The following AGBL4 variants were observed in gnomAD, a reference collection of about 807,000 sequenced individuals.
AGBL4 encodes the protein AGBL carboxypeptidase 4, also known as cytosolic carboxypeptidase 6.
In AGBL4, 58 loss-of-function variants were observed where a neutral mutation model predicts 66.4. That is an observed-to-expected ratio of 0.87 (90% CI 0.71 to 1.09). The LOEUF (loss-of-function observed/expected upper bound fraction) is 1.09, where lower values mean the gene tolerates loss of function less well. Ranked by LOEUF, AGBL4 falls within the 50% of genes least tolerant of loss-of-function variation. The pLI, the probability that AGBL4 is intolerant of heterozygous loss-of-function variation, is 0.00. For missense variants in AGBL4, 579 were observed against 631.0 expected (o/e 0.92, Z 0.88); for synonymous variants, 234 against 222.9 (o/e 1.05, Z -0.44).
chr1:49,108,788 A>G (rs1045244023), intron 4 of AGBL4, among the ~76,000 whole-genome samples: 1 of 152,182 alleles, frequency 6.6e-6, no homozygotes, highest in Non-Finnish European at 1.5e-5. Flanking sequence ...GAGACAGAGA[A>G]GGGGTGACAG....
At chr1:48,780,234 A>G (rs1450153019) in intron 6 of AGBL4, among the ~76,000 whole-genome samples, 1 of 113,408 alleles carries the variant, frequency 8.8e-6, no homozygotes, top group Non-Finnish European at 1.7e-5. Context: ...CCCTCCCCGT[A>G]TCTATGTGTT....
At chr1:48,643,574 C>G (rs1431284863) in intron 8 of AGBL4, among the ~76,000 whole-genome samples, 1 of 152,198 alleles carries the variant, frequency 6.6e-6, no homozygotes, top group Non-Finnish European at 1.5e-5. Flanking sequence ...CTTTGAGTGT[C>G]AGTTTCCTTA....
At chr1:49,115,080 C>T (rs1035100325) in intron 4 of AGBL4, among the ~76,000 whole-genome samples, 4 of 151,938 alleles carry the variant, frequency 2.6e-5, no homozygotes, top group Non-Finnish European at 4.4e-5. Flanking sequence ...AAACAAAAAA[C>T]CAACACAGTA....
intron 4 of AGBL4, among the ~76,000 whole-genome samples, chr1:49,093,976 G>A (rs1165367238): frequency 2.0e-5 from 3 of 152,128 alleles, no homozygotes; most frequent in African/African-American, 7.2e-5. Context: ...AGGAAATATT[G>A]TGTTTAAAGA....
intron 4 of AGBL4, among the ~76,000 whole-genome samples, chr1:49,093,218 G>A (rs894769633): frequency 6.6e-6 from 1 of 152,136 alleles, no homozygotes; most frequent in African/African-American, 2.4e-5. Flanking sequence ...ATCTTTTGCT[G>A]ATGAGGGGGC....
At chr1:48,752,653 T>G (rs972344215) in intron 6 of AGBL4, among the ~76,000 whole-genome samples, 3 of 152,250 alleles carry the variant, frequency 2.0e-5, no homozygotes, top group African/African-American at 7.2e-5. Context: ...ACACATTTTC[T>G]CATGCACATC....
chr1:49,284,150 A>G (rs2148411092), intron 3 of AGBL4, among the ~76,000 whole-genome samples: 1 of 152,358 alleles, frequency 6.6e-6, no homozygotes, highest in Non-Finnish European at 1.5e-5. Context: ...AGGGAAGCCC[A>G]TCAGACTAAC....
chr1:49,875,169 A>C (rs1304207551), intron 1 of AGBL4, among the ~76,000 whole-genome samples: 1 of 142,936 alleles, frequency 7.0e-6, no homozygotes, highest in Admixed American at 7.1e-5. Context: ...ATTATTTTTA[A>C]TTATACTTTA....
chr1:49,072,858 C>T (rs1241918760), intron 4 of AGBL4, among the ~76,000 whole-genome samples: 1 of 152,192 alleles, frequency 6.6e-6, no homozygotes, highest in Admixed American at 6.5e-5. Flanking sequence ...TTTCCATTCT[C>T]CCCGTCACTT....
intron 3 of AGBL4, among the ~76,000 whole-genome samples, chr1:49,426,401 C>T (rs979499191): frequency 1.3e-5 from 2 of 152,090 alleles, no homozygotes; most frequent in Non-Finnish European, 2.9e-5. Flanking sequence ...TTTATTCTGG[C>T]CCTTTCTCCA....
intron 6 of AGBL4, among the ~76,000 whole-genome samples, chr1:48,709,997 C>T (rs570915810): frequency 3.2e-4 from 48 of 152,216 alleles, no homozygotes; most frequent in Non-Finnish European, 5.1e-4. Flanking sequence ...ACCCACTTTA[C>T]GGATGAGGAA....
chr1:49,507,060 T>C (rs545559543), intron 3 of AGBL4, among the ~76,000 whole-genome samples: 5 of 152,148 alleles, frequency 3.3e-5, no homozygotes, highest in African/African-American at 1.2e-4. Flanking sequence ...CTCAAGAAGA[T>C]GTGGCAGCTT....
chr1:49,033,766 T>A (rs1664417283), intron 5 of AGBL4, among the ~76,000 whole-genome samples: 1 of 152,060 alleles, frequency 6.6e-6, no homozygotes, highest in Non-Finnish European at 1.5e-5. Flanking sequence ...TGTGATTATA[T>A]CATGTTCTCC....
chr1:48,996,603 G>A (rs569720980), intron 5 of AGBL4, among the ~76,000 whole-genome samples: 37 of 152,296 alleles, frequency 2.4e-4, no homozygotes, highest in African/African-American at 8.7e-4. Flanking sequence ...ATGACCATTA[G>A]AATTGGCAGG....
At chr1:49,072,861 C>T (rs1039873661) in intron 4 of AGBL4, among the ~76,000 whole-genome samples, 14 of 152,166 alleles carry the variant, frequency 9.2e-5, no homozygotes, top group Admixed American at 3.9e-4. Flanking sequence ...CCATTCTCCC[C>T]GTCACTTTCA....
intron 4 of AGBL4, among the ~76,000 whole-genome samples, chr1:49,105,704 T>A (rs1571460184): frequency 6.6e-6 from 1 of 152,272 alleles, no homozygotes. Context: ...TGAGCTTCAG[T>A]CCCCTTATCT....
intron 6 of AGBL4, among the ~76,000 whole-genome samples, chr1:48,681,691 C>T (rs1646457484): frequency 6.6e-6 from 1 of 152,220 alleles, no homozygotes; most frequent in Non-Finnish European, 1.5e-5. Flanking sequence ...GGTCTCTTAA[C>T]AATCCCAAAA....
intron 2 of AGBL4, among the ~76,000 whole-genome samples, chr1:49,704,920 T>C (rs1191311493): frequency 6.6e-6 from 1 of 152,204 alleles, no homozygotes; most frequent in Non-Finnish European, 1.5e-5. Flanking sequence ...GGATCTTTCT[T>C]GGTTCCATAA....
chr1:49,138,465 C>A (rs1014704768), intron 4 of AGBL4, among the ~76,000 whole-genome samples: 1 of 152,144 alleles, frequency 6.6e-6, no homozygotes, highest in African/African-American at 2.4e-5. Context: ...TATTGCACTT[C>A]TTTGATGCCA....
Sources: allele counts gnomAD v4.1 joint callset (sites outside exome capture counted in the v4.1 genomes callset), GRCh38; gene constraint gnomAD v4.1.1; transcripts MANE v1.5; gene names NCBI Gene and HGNC (gene_info 2026-07-23, HGNC 2026-07-21).